Variants in ERAP1 observed in about 807,000 individuals in gnomAD.
ERAP1 encodes endoplasmic reticulum aminopeptidase 1.
ERAP1 carries 86 observed loss-of-function variants against 103.7 expected under a neutral mutation model. The observed-to-expected ratio is 0.83, with a 90% CI of 0.70 to 0.99. The LOEUF is 0.99. Ranked by LOEUF, ERAP1 falls within the 50% of genes least tolerant of loss-of-function variation. The pLI, the probability that ERAP1 is intolerant of heterozygous loss-of-function variation, is 0.00. For synonymous variants in ERAP1, 398 were observed against 402.4 expected, an observed-to-expected ratio of 0.99 and a Z score of 0.13; for missense variants, 1,009 against 1,128.4, an observed-to-expected ratio of 0.89 and a Z score of 1.52.
chr5:96,879,187 C>A, the ERAP1 span, among the ~76,000 whole-genome samples: 580 of 152,280 alleles, frequency 3.8e-3, 2 homozygotes, highest in Non-Finnish European at 6.2e-3. Context: ...ATTGCACACT[C>A]TACTCCTGCC....
At chr5:96,908,729 G>A in the ERAP1 span, among the ~76,000 whole-genome samples, 1 of 152,120 alleles carries the variant, frequency 6.6e-6, no homozygotes. Flanking sequence ...AGCCTATGAG[G>A]AAGATAGTAT....
At chr5:96,921,591 TC>T in the ERAP1 span, among the ~76,000 whole-genome samples, 2 of 152,320 alleles carry the variant, frequency 1.3e-5, no homozygotes, top group South Asian at 4.1e-4. Context: ...AATCTTTCCT[TC>T]CCAACCATAA....
chr5:96,891,505 A>G, the ERAP1 span, among the ~76,000 whole-genome samples: 637 of 32,330 alleles, frequency 0.02, 13 homozygotes, highest in African/African-American at 0.065. Context: ...GTGTGTATAT[A>G]TATATATATA....
the ERAP1 span, among the ~76,000 whole-genome samples, chr5:96,815,402 G>GTT: frequency 6.3e-5 from 6 of 95,186 alleles, no homozygotes; most frequent in Admixed American, 3.1e-4. Context: ...GTTGTTGTTT[G>GTT]TTTTGTTTTT....
At chr5:96,887,323 C>T in the ERAP1 span, among the ~76,000 whole-genome samples, 5 of 136,448 alleles carry the variant, frequency 3.7e-5, no homozygotes, top group Admixed American at 3.9e-4. Flanking sequence ...TTTTTTGAGA[C>T]AGAGTCTCAC....
At chr5:96,859,060 TACACACACACACACACACAC>T in the ERAP1 span, among the ~76,000 whole-genome samples, 5 of 144,830 alleles carry the variant, frequency 3.5e-5, no homozygotes, top group South Asian at 2.3e-4. Context: ...GCCACATGCA[TACACACACACACACACACAC>T]ACACACACAC....
In ERAP1 at chr5:96,785,779, G is replaced by A. The variant is rs754397656; in HGVS notation, c.1943+9C>T. The A allele has an allele frequency of 1.1e-5, 17 of 1,613,746 alleles. 1 individual carries two copies. The highest frequency in any genetic ancestry group is 4.4e-5 in the South Asian group (4 of 91,074). Reference sequence around the variant, plus strand: ...GAAATAAACCGCGACTTTGTGCAGCGTGTATTACCTGACGAGCTGAAATGC... The same window carrying A: ...GAAATAAACCGCGACTTTGTGCAGCATGTATTACCTGACGAGCTGAAATGC... On this transcript the variant is annotated intron_variant, in intron 13 of 18. Transcript: ENST00000443439.
chr5:96,789,801 T>C (rs777679842), intron 10 of ERAP1, among the ~76,000 whole-genome samples: 9 of 152,228 alleles, frequency 5.9e-5, no homozygotes, highest in Non-Finnish European at 1.2e-4. Context: ...TGTCTTTGTA[T>C]TTCATGTTCT....
chr5:96,859,520 G>A, the ERAP1 span, among the ~76,000 whole-genome samples: 1 of 151,814 alleles, frequency 6.6e-6, no homozygotes, highest in Non-Finnish European at 1.5e-5. Context: ...TTCCAGAATT[G>A]GGGCAATCTG....
chr5:96,766,302 A>G (rs1769935440), intron 19 of ERAP1, among the ~76,000 whole-genome samples: 1 of 152,210 alleles, frequency 6.6e-6, no homozygotes, highest in Non-Finnish European at 1.5e-5. Context: ...CCAGCAGGTA[A>G]ATATTTATTT....
chr5:96,917,378 C>T, the ERAP1 span: 2 of 1,380,816 alleles, frequency 1.4e-6, no homozygotes, highest in South Asian at 1.4e-5. Context: ...ACCTTGGCCT[C>T]CCGAAGTGCT....
At position 96,785,873 on chromosome 5, in the gene ERAP1, A is replaced by G. The variant is rs777346132; in HGVS notation, c.1858T>C (p.Leu620=). ...TGTGTTCCTTTTAAAAGGCCAGTCA[A>G]AGAGTCCCATCCATCATCCTCGTAA... ...VHYEDDGWDS[L]TGLLKGTHTA... Residue 620 remains leucine, a synonymous_variant, in exon 13 of 19, where the codon TTG becomes CTG. Transcript: ENST00000443439. 3 of 1,613,624 alleles carry G rather than the reference A, an allele frequency of 1.9e-6. No individual in the cohort carries two copies. In the Admixed American group the frequency reaches 5.0e-5, roughly 27 times the overall value.
In ERAP1 at chr5:96,781,064, A is replaced by G. The variant is rs1334572303; in HGVS notation, c.2582T>C (p.Val861Ala). ...QFLRKNWNKL[V>A]QKFELGSSSI... ...AATTTTTGGCACCACTTACTTTTGTACAAGTTTGTTCCAGTTTTTCCTCAG... is the reference window on the plus strand; with the variant it reads ...AATTTTTGGCACCACTTACTTTTGTGCAAGTTTGTTCCAGTTTTTCCTCAG... Residue 861 changes from valine (V) to alanine (A), a missense_variant, in exon 17 of 19, where the codon GTA becomes GCA. By Grantham distance (64) the Val-to-Ala change is moderately conservative. Coordinates refer to ENST00000443439, the MANE Select transcript of ERAP1 (RefSeq NM_001040458.3). 4 of 1,613,978 alleles carry G rather than the reference A, an allele frequency of 2.5e-6. No individual in the cohort carries two copies. The highest frequency in any genetic ancestry group is 3.3e-5 in the Admixed American group (2 of 59,996).
At chr5:96,885,942 A>C in the ERAP1 span, among the ~76,000 whole-genome samples, 1 of 152,234 alleles carries the variant, frequency 6.6e-6, no homozygotes, top group Non-Finnish European at 1.5e-5. Context: ...AGAAGCTTAA[A>C]TTACTAATGA....
At chr5:96,824,877 T>C in the ERAP1 span, among the ~76,000 whole-genome samples, 1 of 152,098 alleles carries the variant, frequency 6.6e-6, no homozygotes, top group African/African-American at 2.4e-5. Flanking sequence ...GGCAAAACCC[T>C]ATTTCTACCA....
chr5:96,905,461 T>C, the ERAP1 span, among the ~76,000 whole-genome samples: 1 of 152,210 alleles, frequency 6.6e-6, no homozygotes. Context: ...ATTACATTTA[T>C]AACAAAAGTA....
At chr5:96,808,340 C>G (rs1778931329), upstream of ERAP1, among the ~76,000 whole-genome samples, 1 of 149,932 alleles carries the variant, frequency 6.7e-6, no homozygotes, top group African/African-American at 2.5e-5. Flanking sequence ...AGGAAAGGGC[C>G]GGTGCTCAAG....
chr5:96,874,738 A>C, the ERAP1 span, among the ~76,000 whole-genome samples: 115 of 152,344 alleles, frequency 7.5e-4, 5 homozygotes, highest in South Asian at 0.023. Context: ...AAGGTGGAAA[A>C]ATTAAAGCTT....
the ERAP1 span, chr5:96,873,438 A>G: frequency 2.2e-6 from 1 of 454,172 alleles, no homozygotes; most frequent in Admixed American, 2.4e-5. Flanking sequence ...TAGACCTACT[A>G]AACAAATGCC....
Sources: gnomAD v4.1 joint callset for allele counts (sites outside exome capture counted in the v4.1 genomes callset) on GRCh38, gnomAD v4.1.1 for gene constraint, MANE v1.5 for transcripts, NCBI Gene and HGNC (gene_info 2026-07-23, HGNC 2026-07-21) for gene names.